Variants in LAMA3 observed in about 807,000 individuals in gnomAD.
The protein encoded by LAMA3 is laminin subunit alpha-3.
A neutral mutation model predicts 402.0 loss-of-function variants in LAMA3; 281 were observed. The ratio of observed to expected loss-of-function variants is 0.70; its 90% CI spans 0.63 to 0.77. The LOEUF (loss-of-function observed/expected upper bound fraction) is 0.77, where lower values mean the gene tolerates loss of function less well. Ranked by LOEUF, LAMA3 falls within the 30% of genes least tolerant of loss-of-function variation. The pLI is 0.00. For missense variants in LAMA3, 3,840 were observed against 4,215.5 expected, an observed-to-expected ratio of 0.91 and a Z score of 2.47; for synonymous variants, 1,431 against 1,558.4, an observed-to-expected ratio of 0.92 and a Z score of 1.93.
chr18:23,944,496 A>G (rs1041469521), intron 69 of LAMA3, among the ~76,000 whole-genome samples: 1 of 152,276 alleles, frequency 6.6e-6, no homozygotes, highest in African/African-American at 2.4e-5. Context: ...CCTGGAACAC[A>G]TAAGCAAACA....
chr18:23,730,609 C>T lies in LAMA3; in HGVS notation c.447+16537C>T, dbSNP rs187839199. On this transcript the variant is annotated intron_variant, in intron 2 of 74. Transcript: ENST00000313654. ...CTTGAACTCCTAACCTCAGGTGATC[C>T]GCCTGCCTCGGCCTCCCAAAGTGCT... 6.3e-3 allele frequency among the ~76,000 whole-genome samples: 966 copies of T among 152,200 alleles called. 15 individuals carry two copies. Among genetic ancestry groups the T allele is most frequent in the African/African-American group, 0.022 (915 of 41,546 alleles).
chr18:23,747,868 A>G, intron 2 of LAMA3, 75 bp from the exon 3 acceptor site: 1 of 883,486 alleles, frequency 1.1e-6, no homozygotes, highest in South Asian at 1.3e-5. Flanking sequence ...CTTGGGAATC[A>G]GCATCACATA....
intron 32 of LAMA3, among the ~76,000 whole-genome samples, chr18:23,856,448 G>T (rs883083): frequency 0.47 from 70,731 of 152,098 alleles, 18,640 homozygotes; most frequent in Non-Finnish European, 0.61. Context: ...CCACAGAAGA[G>T]AATCAGTGTG....
intron 20 of LAMA3, 23 bp from the exon 21 acceptor site, chr18:23,824,400 G>A: frequency 6.2e-7 from 1 of 1,613,484 alleles, no homozygotes; most frequent in Non-Finnish European, 8.5e-7. Context: ...AATGCCTTAA[G>A]CAGTTCTTTG....
chr18:23,858,597 C>A (rs1037458934), intron 33 of LAMA3, 92 bp from the exon 34 acceptor site: 17 of 1,145,974 alleles, frequency 1.5e-5, no homozygotes, highest in African/African-American at 1.4e-4. Context: ...ATCCTAACAT[C>A]TTGTGTTGGT....
chr18:23,889,990 T>A, intron 41 of LAMA3, 21 bp from the exon 42 acceptor site: 2 of 1,567,346 alleles, frequency 1.3e-6, no homozygotes, highest in Non-Finnish European at 1.8e-6. Flanking sequence ...GTGTTTCTCC[T>A]CCTCTCTATA....
chr18:23,846,238 G>A, intron 30 of LAMA3, 59 bp from the exon 31 acceptor site: 1 of 1,542,796 alleles, frequency 6.5e-7, no homozygotes, highest in Non-Finnish European at 9.0e-7. Flanking sequence ...AGGCAAGGTT[G>A]AGGCCACTCC....
intron 39 of LAMA3, among the ~76,000 whole-genome samples, chr18:23,880,856 G>A (rs1002412149): frequency 7.2e-5 from 11 of 152,126 alleles, no homozygotes; most frequent in Non-Finnish European, 1.5e-4. Context: ...CAGCCCGGGC[G>A]ACAGCACAAG....
chr18:23,754,349 C>T (rs2061805194), intron 6 of LAMA3, among the ~76,000 whole-genome samples: 1 of 152,148 alleles, frequency 6.6e-6, no homozygotes, highest in Non-Finnish European at 1.5e-5. Flanking sequence ...TACCACTGGC[C>T]CCTGGCAACC....
intron 6 of LAMA3, among the ~76,000 whole-genome samples, chr18:23,755,139 G>A (rs775464157): frequency 1.1e-4 from 17 of 152,188 alleles, no homozygotes; most frequent in Admixed American, 3.3e-4. Flanking sequence ...TAGAAATCAG[G>A]TCACATAAGT....
intron 12 of LAMA3, among the ~76,000 whole-genome samples, chr18:23,810,101 C>G (rs2063038486): frequency 6.6e-6 from 1 of 152,148 alleles, no homozygotes; most frequent in Admixed American, 6.5e-5. Flanking sequence ...TAGGCATTGT[C>G]CCAAGCTCTT....
intron 1 of LAMA3, among the ~76,000 whole-genome samples, chr18:23,708,880 C>T (rs1353647191): frequency 6.6e-6 from 1 of 150,658 alleles, no homozygotes; most frequent in Non-Finnish European, 1.5e-5. Context: ...ATCCCAGTCT[C>T]CCAAGTAGCT....
chr18:23,881,090 T>C lies in LAMA3; in HGVS notation c.5113-846T>C, dbSNP rs931817983. Among the ~76,000 whole-genome samples the C allele has an allele frequency of 2.0e-5, 3 of 152,202 alleles. No homozygotes were observed. The South Asian group carries it at 6.2e-4, about 32-fold the overall frequency. ...CTGGATGTTTCTGTGCATTTAGATC[T>C]TTTTTGCTAGGGTAACACCAAGAAA... is the stretch of plus-strand genomic sequence containing the variant. On this transcript the variant is annotated intron_variant, in intron 39 of 74. Transcript: ENST00000313654.
chr18:23,824,545 A>G lies in LAMA3; in HGVS notation c.2551A>G (p.Lys851Glu). 1.2e-6 allele frequency: 2 copies of G among 1,614,076 alleles called. No homozygotes were observed. Among genetic ancestry groups the G allele is most frequent in the South Asian group, 2.2e-5 (2 of 91,072 alleles). Residue 851 changes from lysine to glutamate, a missense_variant, in exon 21 of 75, where the codon AAG (lysine) becomes GAG (glutamate). Physicochemically the swap from Lys to Glu is moderately conservative, Grantham distance 56. This residue lies in a region of LAMA3 where 2,109 missense variants were observed against 2,376.0 expected (regional missense o/e 0.89). Transcript: ENST00000313654. The stretch of plus-strand genomic sequence containing the variant: ...ACCAGGAATATGGGTTGCTTGTATT[A>G]AGGCAGAAGGAGTCCTTCTGGTAAG... ...ITPGIWVACIKAEGVLLDYLV... is the reference protein window; with the variant it reads ...ITPGIWVACIEAEGVLLDYLV...
intron 49 of LAMA3, 149 bp from the exon 50 acceptor site, chr18:23,903,784 C>T: frequency 1.4e-6 from 1 of 696,962 alleles, no homozygotes; most frequent in South Asian, 1.7e-5. Context: ...CTGAAGTGAC[C>T]AAGGATTAAC....
intron 54 of LAMA3, among the ~76,000 whole-genome samples, 185 bp downstream of exon 54, chr18:23,908,120 A>T (rs2081312071): frequency 6.6e-6 from 1 of 152,184 alleles, no homozygotes. Flanking sequence ...ACCAGACAGG[A>T]TTTTTAATTT....
At chr18:23,696,422 A>G (rs1466434619) in intron 1 of LAMA3, among the ~76,000 whole-genome samples, 2 of 152,214 alleles carry the variant, frequency 1.3e-5, no homozygotes, top group Admixed American at 6.5e-5. Flanking sequence ...TCTTCTAGGT[A>G]AACTTATTAG....
Position 23,784,679 on chromosome 18 carries a change from G to C in LAMA3, c.1603+522G>C, listed in dbSNP as rs543605438. Among the ~76,000 whole-genome samples, 671 of 152,228 alleles carry C rather than the reference G, an allele frequency of 4.4e-3. 6 individuals are homozygous for C. Among genetic ancestry groups the C allele is most frequent in the Non-Finnish European group, 5.2e-3 (351 of 68,008 alleles). ...TCCCATCCCGGCAAGGGTCGCTGAA[G>C]GGGGGATGGAAGGTGGGAGGAGGAA... On this transcript the variant is annotated intron_variant, in intron 12 of 74. Coordinates refer to ENST00000313654, the MANE Select transcript of LAMA3 (RefSeq NM_198129.4).
chr18:23,828,684 T>C (rs2063434485), intron 23 of LAMA3, among the ~76,000 whole-genome samples: 1 of 152,212 alleles, frequency 6.6e-6, no homozygotes, highest in African/African-American at 2.4e-5. Flanking sequence ...TAGGAGGTTC[T>C]AACCTCTGAT....
Sources: allele counts gnomAD v4.1 joint callset (sites outside exome capture counted in the v4.1 genomes callset), GRCh38; gene constraint gnomAD v4.1.1; regional missense constraint gnomAD v4.1.1; transcripts MANE v1.5; gene names NCBI Gene and HGNC (gene_info 2026-07-23, HGNC 2026-07-21).